Variants in KIF26B observed in about 807,000 individuals in gnomAD.
KIF26B encodes the protein kinesin-like protein KIF26B.
KIF26B carries 63 observed loss-of-function variants against 151.2 expected under a neutral mutation model. The ratio of observed to expected loss-of-function variants is 0.42; its 90% CI spans 0.34 to 0.51. The LOEUF is 0.51. KIF26B is among the 20% of genes least tolerant of loss of function. The probability of loss-of-function intolerance (pLI) is 0.07; values close to 1 mark genes in which losing one functional copy is unlikely to be tolerated. For synonymous variants in KIF26B, 1,357 were observed against 1,262.1 expected (o/e 1.08, Z -1.59); for missense variants, 2,813 against 2,913.6 (o/e 0.97, Z 0.79).
At chr1:245,392,710 G>C (rs531748180) in intron 3 of KIF26B, among the ~76,000 whole-genome samples, 70 of 152,308 alleles carry the variant, frequency 4.6e-4, no homozygotes, top group Non-Finnish European at 8.4e-4. Context: ...TTGGCGTGGA[G>C]CTAATGGCAT....
At chr1:245,649,027 GC>G (rs1380913825) in intron 10 of KIF26B, among the ~76,000 whole-genome samples, 2 of 152,138 alleles carry the variant, frequency 1.3e-5, no homozygotes, top group Non-Finnish European at 2.9e-5. Flanking sequence ...AAACACGGTG[GC>G]CCTGGCCATC....
At chr1:245,664,000 C>T (rs1455957071) in intron 10 of KIF26B, among the ~76,000 whole-genome samples, 1 of 152,192 alleles carries the variant, frequency 6.6e-6, no homozygotes, top group Non-Finnish European at 1.5e-5. Flanking sequence ...GAGTTCCCAA[C>T]TTCACTTGCT....
At chr1:245,445,688 C>T (rs569001360) in intron 4 of KIF26B, among the ~76,000 whole-genome samples, 1 of 152,328 alleles carries the variant, frequency 6.6e-6, no homozygotes, top group Non-Finnish European at 1.5e-5. Context: ...AATCTAAATG[C>T]CCAGCTACGC....
chr1:245,403,063 G>C (rs1476948555), intron 3 of KIF26B, among the ~76,000 whole-genome samples: 1 of 152,112 alleles, frequency 6.6e-6, no homozygotes, highest in African/African-American at 2.4e-5. Context: ...TGAACTCCTG[G>C]GCTCAAATGA....
At chr1:245,181,979 A>T (rs74153111) in intron 2 of KIF26B, among the ~76,000 whole-genome samples, 17,557 of 152,132 alleles carry the variant, frequency 0.12, 1,222 homozygotes, top group South Asian at 0.22. Context: ...TTGAGATACA[A>T]TTTATGTGCC....
intron 10 of KIF26B, among the ~76,000 whole-genome samples, chr1:245,678,500 A>G (rs1304898381): frequency 2.0e-5 from 3 of 152,006 alleles, no homozygotes; most frequent in Non-Finnish European, 2.9e-5. Context: ...TATCTTGGCT[A>G]TCTCATGCGT....
chr1:245,493,984 CA>C (rs1355092987), intron 4 of KIF26B, among the ~76,000 whole-genome samples: 1 of 151,798 alleles, frequency 6.6e-6, no homozygotes, highest in Non-Finnish European at 1.5e-5. Context: ...GTGGAGTTCT[CA>C]GTATCACAGT....
intron 4 of KIF26B, among the ~76,000 whole-genome samples, chr1:245,507,963 G>A (rs1010236920): frequency 3.3e-5 from 5 of 152,094 alleles, no homozygotes; most frequent in African/African-American, 1.2e-4. Flanking sequence ...GCTTAATGTG[G>A]TGCAGTGGAA....
chr1:245,253,949 A>G (rs1372212110), intron 2 of KIF26B, among the ~76,000 whole-genome samples: 4 of 151,476 alleles, frequency 2.6e-5, no homozygotes, highest in Non-Finnish European at 4.4e-5. Context: ...AGCTGGGACT[A>G]CAGGCGCCCG....
intron 4 of KIF26B, among the ~76,000 whole-genome samples, chr1:245,518,624 C>G (rs1340682160): frequency 6.6e-6 from 1 of 152,166 alleles, no homozygotes; most frequent in African/African-American, 2.4e-5. Context: ...TGCCAGCATT[C>G]TGGTACCAGT....
At chr1:245,565,285 G>A (rs1771491) in intron 5 of KIF26B, among the ~76,000 whole-genome samples, 1 of 136,522 alleles carries the variant, frequency 7.3e-6, no homozygotes, top group Non-Finnish European at 1.6e-5. Flanking sequence ...TTTTTTTTGG[G>A]TTTTTTTGTT....
chr1:245,419,907 C>T (rs577290706), intron 4 of KIF26B, among the ~76,000 whole-genome samples, 162 bp downstream of exon 4: 1 of 152,300 alleles, frequency 6.6e-6, no homozygotes, highest in South Asian at 2.1e-4. Flanking sequence ...ACCTCTCGGG[C>T]CAGCTAACTG....
At chr1:245,549,504 C>CTATA (rs1661827870) in intron 5 of KIF26B, among the ~76,000 whole-genome samples, 1 of 152,094 alleles carries the variant, frequency 6.6e-6, no homozygotes, top group Admixed American at 6.5e-5. Context: ...TCTTATCTTT[C>CTATA]TATAGTCTTT....
At chr1:245,297,255 A>G (rs1470747871) in intron 2 of KIF26B, among the ~76,000 whole-genome samples, 1 of 152,208 alleles carries the variant, frequency 6.6e-6, no homozygotes, top group African/African-American at 2.4e-5. Context: ...AGGCAGGAGA[A>G]TCGCTCAAAC....
intron 4 of KIF26B, among the ~76,000 whole-genome samples, chr1:245,523,279 C>A (rs899779040): frequency 1.3e-5 from 2 of 152,122 alleles, no homozygotes; most frequent in African/African-American, 4.8e-5. Flanking sequence ...TTTATTTGGT[C>A]CCATATTCTC....
At chr1:245,194,500 C>A (rs1031980199) in intron 2 of KIF26B, among the ~76,000 whole-genome samples, 1 of 152,160 alleles carries the variant, frequency 6.6e-6, no homozygotes, top group African/African-American at 2.4e-5. Context: ...CCTCAGGCCC[C>A]CAAGTAGCTG....
intron 2 of KIF26B, among the ~76,000 whole-genome samples, chr1:245,357,968 T>C (rs1672735421): frequency 6.6e-6 from 1 of 152,190 alleles, no homozygotes; most frequent in Non-Finnish European, 1.5e-5. Flanking sequence ...CCAGATTAGA[T>C]GGCAGTGGCG....
At chr1:245,623,050 TTTG>T (rs1558240915) in intron 9 of KIF26B, among the ~76,000 whole-genome samples, 16 of 131,952 alleles carry the variant, frequency 1.2e-4, no homozygotes, top group African/African-American at 3.1e-4. Flanking sequence ...TTTTTTTTTT[TTTG>T]TTGTTTTTTA....
In KIF26B at chr1:245,352,653, C is replaced by T. The variant is rs983553015; in HGVS notation, c.466-14181C>T. 1.3e-5 allele frequency among the ~76,000 whole-genome samples: 2 copies of T among 151,506 alleles called. No individual in the cohort carries two copies. Among genetic ancestry groups the T allele is most frequent in the Non-Finnish European group, 2.9e-5 (2 of 67,976 alleles). On this transcript the variant is annotated intron_variant, in intron 2 of 14. Transcript: ENST00000407071. The surrounding 1 kb of genome is among the most constrained non-coding windows in gnomAD (Gnocchi z 5.0). ...TTTTTGGACCACAACAATCACTTTA[C>T]GAACATTTTTTTAACTTTTTCAGAA...
Sources: gnomAD v4.1 joint callset for allele counts (sites outside exome capture counted in the v4.1 genomes callset) on GRCh38, gnomAD v4.1.1 for gene constraint, Gnocchi (gnomAD v3.1) non-coding constraint, MANE v1.5 for transcripts, NCBI Gene and HGNC (gene_info 2026-07-23, HGNC 2026-07-21) for gene names.